The following PPP2R1B variants were observed in gnomAD, a reference collection of about 807,000 sequenced individuals.
The protein encoded by PPP2R1B is protein phosphatase 2 scaffold subunit Abeta, also known as serine/threonine-protein phosphatase 2A 65 kDa regulatory subunit A beta isoform.
Under a neutral mutation model 72.7 loss-of-function variants are expected in PPP2R1B, and 58 were observed. The observed-to-expected ratio is 0.80, with a 90% CI of 0.65 to 0.99. The LOEUF (loss-of-function observed/expected upper bound fraction) is 0.99, where lower values mean the gene tolerates loss of function less well. Ranked by LOEUF, PPP2R1B falls within the 50% of genes least tolerant of loss-of-function variation. The probability of loss-of-function intolerance (pLI) is 0.00; values close to 1 mark genes in which losing one functional copy is unlikely to be tolerated. For synonymous variants in PPP2R1B, 256 were observed against 264.6 expected, an observed-to-expected ratio of 0.97 and a Z score of 0.32; for missense variants, 695 against 733.6, an observed-to-expected ratio of 0.95 and a Z score of 0.61.
At chr11:111,691,974 G>T in the PPP2R1B span, among the ~76,000 whole-genome samples, 1 of 152,120 alleles carries the variant, frequency 6.6e-6, no homozygotes, top group Non-Finnish European at 1.5e-5. Context: ...ACTCTGTCTG[G>T]AAGAATCAGG....
intron 9 of PPP2R1B, among the ~76,000 whole-genome samples, chr11:111,752,894 C>G (rs905105482): frequency 6.6e-6 from 1 of 152,122 alleles, no homozygotes; most frequent in Non-Finnish European, 1.5e-5. Context: ...ACTCAGGAGG[C>G]GGAGCTTGCA....
intron 3 of PPP2R1B, 77 bp from the exon 4 acceptor site, chr11:111,761,128 T>A (rs1431912886): frequency 8.1e-7 from 1 of 1,230,124 alleles, no homozygotes; most frequent in Non-Finnish European, 1.2e-6. Context: ...CCTTTTAAAG[T>A]GACTGAAGGG....
chr11:111,762,134 T>G (rs1945351493), intron 3 of PPP2R1B, among the ~76,000 whole-genome samples: 1 of 152,180 alleles, frequency 6.6e-6, no homozygotes, highest in Non-Finnish European at 1.5e-5. Context: ...TGAGTTTGCA[T>G]GTAGTCCAGG....
At chr11:111,763,847 A>T (rs1276998914) in intron 3 of PPP2R1B, among the ~76,000 whole-genome samples, 12 of 146,324 alleles carry the variant, frequency 8.2e-5, no homozygotes, top group African/African-American at 2.5e-4. Context: ...CAGAAAAAAA[A>T]CTCTCTCTCT....
intron 3 of PPP2R1B, among the ~76,000 whole-genome samples, chr11:111,763,219 G>C (rs1404541898): frequency 6.6e-6 from 1 of 152,216 alleles, no homozygotes; most frequent in Non-Finnish European, 1.5e-5. Context: ...TAGGGCAAAG[G>C]TCCTAAGGGA....
At chr11:111,716,677 G>A in the PPP2R1B span, among the ~76,000 whole-genome samples, 1 of 152,154 alleles carries the variant, frequency 6.6e-6, no homozygotes, top group African/African-American at 2.4e-5. Context: ...CAAATATTTT[G>A]TAATAAAAGA....
At chr11:111,692,224 G>A in the PPP2R1B span, among the ~76,000 whole-genome samples, 3 of 151,624 alleles carry the variant, frequency 2.0e-5, no homozygotes, top group African/African-American at 7.3e-5. Context: ...GGCAGCATGC[G>A]CCTGTAGTCC....
the PPP2R1B span, among the ~76,000 whole-genome samples, chr11:111,691,230 A>G: frequency 6.6e-6 from 1 of 152,146 alleles, no homozygotes; most frequent in African/African-American, 2.4e-5. Context: ...GCTTTTTAGT[A>G]TCTAATCTTC....
chr11:111,763,704 C>T (rs1403041270), intron 3 of PPP2R1B, among the ~76,000 whole-genome samples: 3 of 152,080 alleles, frequency 2.0e-5, no homozygotes, highest in Non-Finnish European at 1.5e-5. Flanking sequence ...GATAGTGATA[C>T]CATTTACTGA....
chr11:111,762,671 G>A (rs1479128721), intron 3 of PPP2R1B, among the ~76,000 whole-genome samples: 4 of 151,098 alleles, frequency 2.6e-5, no homozygotes, highest in South Asian at 2.1e-4. Flanking sequence ...TCAGCGTCCC[G>A]AATAGCTAGG....
At chr11:111,760,728 T>C in intron 4 of PPP2R1B, 91 bp downstream of exon 4, 1 of 1,117,918 alleles carries the variant, frequency 8.9e-7, no homozygotes, top group South Asian at 1.4e-5. Flanking sequence ...ACTATGTAAA[T>C]TGTCAGCTAC....
intron 10 of PPP2R1B, among the ~76,000 whole-genome samples, chr11:111,751,409 G>A (rs187316075): frequency 6.4e-4 from 98 of 152,096 alleles, no homozygotes; most frequent in African/African-American, 2.3e-3. Context: ...GTGGTGATGA[G>A]GTGAAATATG....
the PPP2R1B span, among the ~76,000 whole-genome samples, chr11:111,699,389 CAGG>C: frequency 1.3e-5 from 2 of 152,186 alleles, no homozygotes; most frequent in Non-Finnish European, 2.9e-5. Flanking sequence ...AATGGTTTCA[CAGG>C]AGGAGGAGAG....
At chr11:111,726,451 C>T (rs769878564), downstream of PPP2R1B, 8 of 154,428 alleles carry the variant, frequency 5.2e-5, no homozygotes, top group Admixed American at 3.2e-4. Context: ...ACGGCAGCGG[C>T]GTGGACACCG....
the PPP2R1B span, chr11:111,688,203 G>A: frequency 6.2e-7 from 1 of 1,606,442 alleles, no homozygotes; most frequent in African/African-American, 1.3e-5. This position sits in a 1 kb window ranked among gnomAD's most constrained non-coding sequence, Gnocchi z 4.2. Context: ...TCCGAAGTGA[G>A]CCACTGCACT....
chr11:111,688,019 G>A, the PPP2R1B span: 3 of 1,613,988 alleles, frequency 1.9e-6, no homozygotes, highest in South Asian at 3.3e-5. This position sits in a 1 kb window ranked among gnomAD's most constrained non-coding sequence, Gnocchi z 4.2. Flanking sequence ...GCTAATCATG[G>A]CCGGTTAAAT....
chr11:111,752,200 G>C lies in PPP2R1B; in HGVS notation c.1297C>G (p.Leu433Val). The change falls in exon 10 of 15, where the codon CTG becomes GTG. Residue 433 changes from leucine (L) to valine (V), a missense_variant. Coordinates refer to ENST00000527614, the MANE Select transcript of PPP2R1B (RefSeq NM_002716.5). ...AGCGGCATATACTCAATGATGGCCAGGCGGACCCTCCATTTGGCATCTTCT... is the reference window on the plus strand; with the variant it reads ...AGCGGCATATACTCAATGATGGCCACGCGGACCCTCCATTTGGCATCTTCT... ...LAEDAKWRVR[L>V]AIIEYMPLLA... is the part of the protein sequence containing the mutation. The C allele has an allele frequency of 6.2e-7, 1 of 1,613,988 alleles. No individual in the cohort carries two copies. Among genetic ancestry groups the C allele is most frequent in the Non-Finnish European group, 8.5e-7 (1 of 1,179,954 alleles).
rs1945030783 is a variant in PPP2R1B, at chr11:111,754,564, C to A, written c.964G>T (p.Gly322Cys). Residue 322 changes from glycine to cysteine, a missense_variant, in exon 8 of 15, where the codon GGT (glycine) becomes TGT (cysteine). Gly to Cys is a radical substitution (Grantham distance 159). Coordinates refer to ENST00000527614, the MANE Select transcript of PPP2R1B (RefSeq NM_002716.5). ...CTATCTTCAATGGGCAAGTTCTCAC[C>A]AAGTTCTAAAAGATAAATAGAAAAA... is the stretch of plus-strand genomic sequence containing the variant. ...AAAAHKVKELGENLPIEDRET... is the reference protein window; with the variant it reads ...AAAAHKVKELCENLPIEDRET... 1.2e-6 allele frequency: 2 copies of A among 1,600,780 alleles called. No individual in the cohort carries two copies. Among genetic ancestry groups the A allele is most frequent in the Non-Finnish European group, 8.5e-7 (1 of 1,176,774 alleles).
At chr11:111,757,553 T>C (rs1555050086) in intron 5 of PPP2R1B, among the ~76,000 whole-genome samples, 1 of 152,076 alleles carries the variant, frequency 6.6e-6, no homozygotes, top group African/African-American at 2.4e-5. Context: ...ATTACTTCTC[T>C]GGTCTGGTGC....
Sources: gnomAD v4.1 joint callset for allele counts (sites outside exome capture counted in the v4.1 genomes callset) on GRCh38, gnomAD v4.1.1 for gene constraint, Gnocchi (gnomAD v3.1) non-coding constraint, MANE v1.5 for transcripts, NCBI Gene and HGNC (gene_info 2026-07-23, HGNC 2026-07-21) for gene names.